IL1RAPL1: variants seen among roughly 807,000 people sequenced by gnomAD.
IL1RAPL1 encodes the protein interleukin 1 receptor accessory protein like 1, also known as interleukin-1 receptor accessory protein-like 1.
Under a neutral mutation model 48.4 loss-of-function variants are expected in IL1RAPL1, and 3 were observed. That is an observed-to-expected ratio of 0.06 (90% CI 0.03 to 0.16). The LOEUF (loss-of-function observed/expected upper bound fraction) is 0.16, where lower values mean the gene tolerates loss of function less well. Ranked by LOEUF, IL1RAPL1 falls within the 10% of genes least tolerant of loss-of-function variation. The probability of loss-of-function intolerance (pLI) is 1.00; values close to 1 mark genes in which losing one functional copy is unlikely to be tolerated. For missense variants in IL1RAPL1, 349 were observed against 530.6 expected, an observed-to-expected ratio of 0.66 and a Z score of 3.36; for synonymous variants, 185 against 187.7, an observed-to-expected ratio of 0.99 and a Z score of 0.12.
At chrX:29,886,280 C>G (rs1932165617) in intron 6 of IL1RAPL1, among the ~76,000 whole-genome samples, 1 of 112,203 alleles carries the variant, frequency 8.9e-6, no homozygotes, top group African/African-American at 3.2e-5. Context: ...CTTTAAGCAC[C>G]ATAAATTTTT....
At chrX:29,114,417 T>C (rs1928635275) in intron 2 of IL1RAPL1, among the ~76,000 whole-genome samples, 1 of 112,265 alleles carries the variant, frequency 8.9e-6, no homozygotes, top group Admixed American at 9.5e-5. Context: ...TTCATGGCTT[T>C]TAAATCTCTT....
At chrX:29,888,733 G>A (rs1320715003) in intron 6 of IL1RAPL1, among the ~76,000 whole-genome samples, 1 of 111,381 alleles carries the variant, frequency 9.0e-6, no homozygotes, top group Non-Finnish European at 1.9e-5. Flanking sequence ...CACAGGGAGC[G>A]TTATTTTAAA....
At chrX:28,933,576 C>T (rs1329327603) in intron 2 of IL1RAPL1, among the ~76,000 whole-genome samples, 1 of 111,142 alleles carries the variant, frequency 9.0e-6, no homozygotes, top group African/African-American at 3.3e-5. Context: ...AAAATGTTAT[C>T]GGAAATGGGC....
At chrX:29,185,619 C>G (rs947823972) in intron 2 of IL1RAPL1, among the ~76,000 whole-genome samples, 1 of 111,646 alleles carries the variant, frequency 9.0e-6, no homozygotes, top group Non-Finnish European at 1.9e-5. Context: ...TTAGGAGGCA[C>G]TCTATGAGTG....
At chrX:29,003,095 A>T in intron 2 of IL1RAPL1, among the ~76,000 whole-genome samples, 1 of 111,465 alleles carries the variant, frequency 9.0e-6, no homozygotes, top group Non-Finnish European at 1.9e-5. Flanking sequence ...GGTAGGTGTT[A>T]AAAAGGAGTT....
At chrX:29,513,446 A>G (rs1481248749) in intron 5 of IL1RAPL1, among the ~76,000 whole-genome samples, 1 of 111,983 alleles carries the variant, frequency 8.9e-6, no homozygotes, top group Non-Finnish European at 1.9e-5. Context: ...TCTCCAATTG[A>G]TGGGCATTTA....
At chrX:28,892,915 C>T (rs1922812096) in intron 2 of IL1RAPL1, among the ~76,000 whole-genome samples, 1 of 111,287 alleles carries the variant, frequency 9.0e-6, no homozygotes, top group Non-Finnish European at 1.9e-5. Context: ...GGACCTAGGA[C>T]GTTTAATTAG....
intron 3 of IL1RAPL1, among the ~76,000 whole-genome samples, chrX:29,339,142 T>G (rs1007892714): frequency 2.7e-5 from 3 of 110,074 alleles, no homozygotes; most frequent in Non-Finnish European, 5.7e-5. Context: ...CATGTTACTA[T>G]GTTGATGACA....
At chrX:29,622,402 A>G (rs1338967289) in intron 5 of IL1RAPL1, among the ~76,000 whole-genome samples, 1 of 112,499 alleles carries the variant, frequency 8.9e-6, no homozygotes, top group Non-Finnish European at 1.9e-5. Context: ...TAACTGATGA[A>G]TGAACCAGAC....
intron 1 of IL1RAPL1, among the ~76,000 whole-genome samples, chrX:28,731,238 A>G (rs185924043): frequency 5.4e-5 from 6 of 111,966 alleles, no homozygotes; most frequent in Admixed American, 4.8e-4. Context: ...TATAAAAAAA[A>G]CATCCTAAGG....
intron 6 of IL1RAPL1, among the ~76,000 whole-genome samples, chrX:29,819,818 T>C (rs1930571458): frequency 9.5e-6 from 1 of 104,829 alleles, no homozygotes; most frequent in Admixed American, 1.1e-4. Flanking sequence ...CAGGCTCTAC[T>C]ATATTTAAGA....
intron 5 of IL1RAPL1, among the ~76,000 whole-genome samples, chrX:29,644,203 C>T (rs753759349): frequency 7.1e-5 from 8 of 112,511 alleles, no homozygotes; most frequent in African/African-American, 2.3e-4. Flanking sequence ...ACTTGAGACA[C>T]AGTTGAAACA....
At chrX:28,784,381 A>G (rs1445564622) in intron 1 of IL1RAPL1, among the ~76,000 whole-genome samples, 2 of 112,017 alleles carry the variant, frequency 1.8e-5, no homozygotes, top group African/African-American at 3.2e-5. Context: ...TAGCATAGGT[A>G]ATTACTACAT....
chrX:29,254,278 C>T (rs1354757166), intron 2 of IL1RAPL1, among the ~76,000 whole-genome samples: 2 of 111,574 alleles, frequency 1.8e-5, no homozygotes, highest in African/African-American at 6.5e-5. Flanking sequence ...AGAACAAATG[C>T]CACCATCTTT....
intron 2 of IL1RAPL1, among the ~76,000 whole-genome samples, chrX:29,090,163 C>T (rs1928057824): frequency 9.0e-6 from 1 of 110,643 alleles, no homozygotes; most frequent in African/African-American, 3.3e-5. Flanking sequence ...TTTCACTGTG[C>T]AATAATAACT....
chrX:29,370,435 A>G (rs1602199730), intron 3 of IL1RAPL1, among the ~76,000 whole-genome samples: 1 of 107,235 alleles, frequency 9.3e-6, no homozygotes, highest in Non-Finnish European at 1.9e-5. Context: ...ATTCTTTGAC[A>G]CTCTTGGGTC....
chrX:29,144,800 C>A (rs1453996488), intron 2 of IL1RAPL1, among the ~76,000 whole-genome samples: 1 of 104,193 alleles, frequency 9.6e-6, no homozygotes, highest in African/African-American at 3.5e-5. Flanking sequence ...AATCTCAGCT[C>A]ACTTCAACCT....
At chrX:29,701,878 G>A (rs1927058875) in intron 6 of IL1RAPL1, among the ~76,000 whole-genome samples, 1 of 111,734 alleles carries the variant, frequency 8.9e-6, no homozygotes, top group Non-Finnish European at 1.9e-5. Flanking sequence ...CTAGAGGAAG[G>A]CAAGAGGAGT....
rs760175794 is a variant in IL1RAPL1, at chrX:29,745,752, CTTTAATT to C, written c.778+77254_778+77260del. Among the ~76,000 whole-genome samples the C allele has an allele frequency of 1.4e-4, 15 of 110,556 alleles. No homozygotes were observed. The East Asian group carries it at 2.8e-3, about 21-fold the overall frequency. On this transcript the variant is annotated intron_variant, in intron 6 of 10. Coordinates refer to ENST00000378993, the MANE Select transcript of IL1RAPL1 (RefSeq NM_014271.4). ...ATGAGCCAACATGCCCAGCCCTATT[CTTTAATT>C]TTTAAGTAGCTTTGGCCTTCACTAG...
Sources: allele counts gnomAD v4.1 joint callset (sites outside exome capture counted in the v4.1 genomes callset), GRCh38; gene constraint gnomAD v4.1.1; transcripts MANE v1.5; gene names NCBI Gene and HGNC (gene_info 2026-07-23, HGNC 2026-07-21).